ADAMTS3: variants seen among roughly 807,000 people sequenced by gnomAD.
ADAMTS3 encodes the protein A disintegrin and metalloproteinase with thrombospondin motifs 3.
In ADAMTS3, 73 loss-of-function variants were observed where a neutral mutation model predicts 129.0. The observed-to-expected ratio is 0.57, with a 90% CI of 0.47 to 0.69. ADAMTS3 has a LOEUF of 0.69. Ranked by LOEUF, ADAMTS3 falls within the 30% of genes least tolerant of loss-of-function variation. The pLI, the probability that ADAMTS3 is intolerant of heterozygous loss-of-function variation, is 0.00. For missense variants in ADAMTS3, 1,457 were observed against 1,514.5 expected (o/e 0.96, Z 0.63); for synonymous variants, 477 against 510.8 (o/e 0.93, Z 0.89).
At chr4:72,409,569 A>C (rs527523890) in intron 4 of ADAMTS3, among the ~76,000 whole-genome samples, 1 of 152,326 alleles carries the variant, frequency 6.6e-6, no homozygotes. Flanking sequence ...ATTGGAAAAA[A>C]AAATATAGAG....
chr4:72,361,573 T>C lies in ADAMTS3; in HGVS notation c.662-21880A>G, dbSNP rs184830276. Among the ~76,000 whole-genome samples the C allele has an allele frequency of 2.6e-5, 4 of 152,224 alleles. No individual in the cohort carries two copies. In the East Asian group the frequency reaches 5.8e-4, roughly 22 times the overall value. ...ATTATGGAGATTTGTAAAGTGGCAT[T>C]ATCACACTAAAAATCCAACGAATAG... On this transcript the variant is annotated intron_variant, in intron 4 of 21. Transcript: ENST00000286657.
At chr4:72,436,224 T>C (rs1244168121) in intron 3 of ADAMTS3, among the ~76,000 whole-genome samples, 6 of 152,050 alleles carry the variant, frequency 3.9e-5, no homozygotes, top group Admixed American at 3.9e-4. Context: ...CAAAAGAAGA[T>C]ATTTATGCAG....
chr4:72,412,325 C>T (rs569580095), intron 4 of ADAMTS3, among the ~76,000 whole-genome samples: 4 of 151,892 alleles, frequency 2.6e-5, no homozygotes, highest in African/African-American at 7.3e-5. Context: ...TTATATAGTG[C>T]TTTGGTTTTC....
At chr4:72,540,991 T>C (rs1445977714) in intron 3 of ADAMTS3, among the ~76,000 whole-genome samples, 1 of 152,104 alleles carries the variant, frequency 6.6e-6, no homozygotes, top group African/African-American at 2.4e-5. Context: ...AGTGGAGCTG[T>C]GAGAAGAGGG....
intron 4 of ADAMTS3, among the ~76,000 whole-genome samples, chr4:72,358,245 T>TA (rs1158612665): frequency 6.6e-6 from 1 of 151,992 alleles, no homozygotes; most frequent in East Asian, 1.9e-4. Flanking sequence ...GACACTGCTT[T>TA]AGTGTACTTT....
intron 3 of ADAMTS3, among the ~76,000 whole-genome samples, chr4:72,528,562 A>G (rs1720876024): frequency 6.6e-6 from 1 of 151,448 alleles, no homozygotes; most frequent in Non-Finnish European, 1.5e-5. Flanking sequence ...CTCCTTCACT[A>G]GCTTGTACGT....
chr4:72,439,419 T>C (rs1718052744), intron 3 of ADAMTS3, among the ~76,000 whole-genome samples: 1 of 151,714 alleles, frequency 6.6e-6, no homozygotes, highest in Admixed American at 6.6e-5. Flanking sequence ...TATTTCCTTT[T>C]AAATAAAATT....
At chr4:72,426,821 G>T (rs1235589539) in intron 3 of ADAMTS3, among the ~76,000 whole-genome samples, 1 of 151,978 alleles carries the variant, frequency 6.6e-6, no homozygotes, top group Admixed American at 6.6e-5. Flanking sequence ...TTGAACCCTG[G>T]AGGTCAAGAC....
At chr4:72,509,654 C>T (rs186673747) in intron 3 of ADAMTS3, among the ~76,000 whole-genome samples, 53 of 152,140 alleles carry the variant, frequency 3.5e-4, no homozygotes, top group South Asian at 8.3e-4. Context: ...AGCCCAGGAC[C>T]TGATGGCTTT....
At chr4:72,467,632 C>T (rs575783618) in intron 3 of ADAMTS3, among the ~76,000 whole-genome samples, 1 of 152,098 alleles carries the variant, frequency 6.6e-6, no homozygotes, top group South Asian at 2.1e-4. Flanking sequence ...CTCCTTCCTC[C>T]CAGCACCCCA....
At chr4:72,449,598 A>C (rs1718341120) in intron 3 of ADAMTS3, among the ~76,000 whole-genome samples, 1 of 151,812 alleles carries the variant, frequency 6.6e-6, no homozygotes, top group Non-Finnish European at 1.5e-5. Context: ...ACTCCTGCCC[A>C]TCCTCTATTC....
intron 4 of ADAMTS3, among the ~76,000 whole-genome samples, chr4:72,345,517 C>T (rs1448204707): frequency 3.3e-5 from 5 of 151,986 alleles, no homozygotes; most frequent in Non-Finnish European, 5.9e-5. Flanking sequence ...AAAATGTTTC[C>T]GTGAAAAGGA....
chr4:72,555,951 C>G (rs1306936679), intron 2 of ADAMTS3, among the ~76,000 whole-genome samples: 1 of 151,696 alleles, frequency 6.6e-6, no homozygotes, highest in African/African-American at 2.4e-5. Flanking sequence ...TGAGGTCCCC[C>G]CTGTCATGCC....
intron 3 of ADAMTS3, among the ~76,000 whole-genome samples, chr4:72,547,897 C>T (rs1320832053): frequency 6.6e-6 from 1 of 152,082 alleles, no homozygotes; most frequent in African/African-American, 2.4e-5. Flanking sequence ...AACCACAAAA[C>T]TGAAAAGCAA....
In ADAMTS3 at chr4:72,319,564, G is replaced by C. The variant is rs1285431295; in HGVS notation, c.1209-89C>G. ...TTGAAAATAAGCCCTGGGAAATAACGTATTTTTGAGTCAACGTGGCTTTCT... is the reference window on the plus strand; with the variant it reads ...TTGAAAATAAGCCCTGGGAAATAACCTATTTTTGAGTCAACGTGGCTTTCT... On this transcript the variant is annotated intron_variant, in intron 8 of 21. Transcript: ENST00000286657. 9 of 1,437,894 alleles carry C rather than the reference G, an allele frequency of 6.3e-6. 1 individual carries two copies. The highest frequency in any genetic ancestry group is 2.8e-5 in the South Asian group (2 of 71,832). 89.1% of individuals were successfully genotyped at this position (1,437,894 alleles called of 1,614,324 possible). A position where few individuals can be genotyped will look rare whatever the true frequency, so the allele number is the denominator to read the frequency against.
chr4:72,419,002 G>A (rs557325902), intron 3 of ADAMTS3, among the ~76,000 whole-genome samples: 1 of 152,208 alleles, frequency 6.6e-6, no homozygotes, highest in Admixed American at 6.5e-5. Context: ...TCTGCTTAAA[G>A]AGCCACACCA....
chr4:72,347,726 C>T (rs1314597657), intron 4 of ADAMTS3, among the ~76,000 whole-genome samples: 1 of 151,802 alleles, frequency 6.6e-6, no homozygotes, highest in East Asian at 1.9e-4. Flanking sequence ...TTTTGTAGTT[C>T]AGCTCTACTA....
At chr4:72,532,580 T>C (rs1339231314) in intron 3 of ADAMTS3, among the ~76,000 whole-genome samples, 1 of 152,144 alleles carries the variant, frequency 6.6e-6, no homozygotes, top group African/African-American at 2.4e-5. Context: ...CATGTGTTGC[T>C]TAATGACTAG....
Position 72,568,911 on chromosome 4 carries a change from A to G in ADAMTS3, c.-149T>C, listed in dbSNP as rs556185568. ...AAATGATCTTCTGTGCTTTGCTTCAATGAAAATGAAATTTGAGCTCTGAGA... is the reference window on the plus strand; with the variant it reads ...AAATGATCTTCTGTGCTTTGCTTCAGTGAAAATGAAATTTGAGCTCTGAGA... On this transcript the variant is annotated 5_prime_UTR_variant, in exon 1 of 22. Transcript: ENST00000286657. 264 of 655,140 alleles carry G rather than the reference A, an allele frequency of 4.0e-4. 1 individual carries two copies. The South Asian group carries it at 4.4e-3, about 11-fold the overall frequency. The allele number at this position is 655,140 out of a possible 1,614,324, so 40.6% of individuals were successfully genotyped here.
Sources: allele counts gnomAD v4.1 joint callset (sites outside exome capture counted in the v4.1 genomes callset), GRCh38; gene constraint gnomAD v4.1.1; transcripts MANE v1.5; gene names NCBI Gene and HGNC (gene_info 2026-07-23, HGNC 2026-07-21).